The following HOGA1 variants were observed in gnomAD, a reference collection of about 807,000 sequenced individuals.
The protein encoded by HOGA1 is 4-hydroxy-2-oxoglutarate aldolase 1.
In HOGA1, 30 loss-of-function variants were observed where a neutral mutation model predicts 34.3. The observed-to-expected ratio is 0.87, with a 90% CI of 0.65 to 1.19. The LOEUF is 1.19. HOGA1 is among the 50% of genes most tolerant of loss of function. HOGA1 has a pLI of 0.00. For missense variants in HOGA1, 417 were observed against 436.5 expected (o/e 0.96, Z 0.40); for synonymous variants, 161 against 174.0 (o/e 0.93, Z 0.59).
intron 1 of HOGA1, among the ~76,000 whole-genome samples, chr10:97,593,377 T>C (rs994577872): frequency 6.6e-6 from 1 of 151,946 alleles, no homozygotes; most frequent in East Asian, 1.9e-4. Context: ...CTCGGGAGGC[T>C]GAGACAGAAG....
chr10:97,601,988 G>T lies in HOGA1; in HGVS notation c.832G>T (p.Ala278Ser). 6.2e-7 allele frequency: 1 copy of T among 1,611,660 alleles called. No individual in the cohort carries two copies. The highest frequency in any genetic ancestry group is 8.5e-7 in the Non-Finnish European group (1 of 1,179,214). The change falls in exon 6 of 7, where the codon GCG becomes TCG. Residue 278 changes from alanine (A) to serine (S), a missense_variant and splice_region_variant. By Grantham distance (99) the Ala-to-Ser change is moderately conservative. Transcript: ENST00000370646. ...LQHRLIEPNA[A>S]VTRRFGIPGL... ...GCACCGCCTCATTGAGCCAAACGCT[G>T]CGGTGAGCCAGTGGCAGCGGGGGCG... is the stretch of plus-strand genomic sequence containing the variant.
At chr10:97,606,557 G>A (rs2041159862) in intron 6 of HOGA1, among the ~76,000 whole-genome samples, 1 of 152,004 alleles carries the variant, frequency 6.6e-6, no homozygotes, top group African/African-American at 2.4e-5. Context: ...AAAATCAGTG[G>A]GGCATATTTG....
At chr10:97,607,878 C>T (rs996839587) in intron 6 of HOGA1, among the ~76,000 whole-genome samples, 1 of 152,124 alleles carries the variant, frequency 6.6e-6, no homozygotes, top group African/African-American at 2.4e-5. Context: ...TATGTTAAAA[C>T]TCACAGCACT....
At chr10:97,605,829 G>GT (rs1289013404) in intron 6 of HOGA1, among the ~76,000 whole-genome samples, 1 of 152,016 alleles carries the variant, frequency 6.6e-6, no homozygotes. Flanking sequence ...CTAAATACTA[G>GT]TCCTTTGTTA....
rs1026956695 is a variant in HOGA1, at chr10:97,599,593, G to T, written c.469-87G>T. 3 of 1,562,890 alleles carry T rather than the reference G, an allele frequency of 1.9e-6. No individual in the cohort carries two copies. In the African/African-American group the frequency reaches 4.1e-5, roughly 21 times the overall value. On this transcript the variant is annotated intron_variant, in intron 3 of 6. Transcript: ENST00000370646. ...TCCAGGTGGCCCTGTAGTGAAGCAG[G>T]CTGGGACCTGTGGGTGGGCAAGTCT... is the stretch of plus-strand genomic sequence containing the variant.
chr10:97,584,575 G>C lies in HOGA1; in HGVS notation c.-129G>C. 2.4e-6 allele frequency: 2 copies of C among 821,810 alleles called. No homozygotes were observed. Among genetic ancestry groups the C allele is most frequent in the South Asian group, 3.3e-5 (2 of 60,796 alleles). The allele number at this position is 821,810 out of a possible 1,614,324, so 50.9% of individuals were successfully genotyped here. On this transcript the variant is annotated 5_prime_UTR_variant, in exon 1 of 7. Transcript: ENST00000370646. Reference sequence around the variant, plus strand: ...GAACACCCAGCTCAGGCCTGCCCCAGTGGCCACAAGTCAGGGAGGCCGCAA... The same window carrying C: ...GAACACCCAGCTCAGGCCTGCCCCACTGGCCACAAGTCAGGGAGGCCGCAA...
At chr10:97,606,694 T>A (rs1201149919) in intron 6 of HOGA1, among the ~76,000 whole-genome samples, 2 of 152,236 alleles carry the variant, frequency 1.3e-5, no homozygotes, top group Middle Eastern at 3.2e-3. Flanking sequence ...TCCCACTTTG[T>A]TCTTTTTTTA....
At position 97,601,940 on chromosome 10, in the gene HOGA1, T is replaced by G. The variant is rs773306071; in HGVS notation, c.784T>G (p.Trp262Gly). 2.2e-5 allele frequency: 36 copies of G among 1,613,038 alleles called. No homozygotes were observed. The highest frequency in any genetic ancestry group is 2.9e-5 in the Non-Finnish European group (34 of 1,179,914). ...QLERLCCTGQ[W>G]EDAQKLQHRL... ...GGAGCGACTGTGCTGCACGGGGCAA[T>G]GGGAAGATGCCCAGAAACTGCAGCA... The change falls in exon 6 of 7, where the codon TGG (tryptophan) becomes GGG (glycine). Residue 262 changes from tryptophan to glycine, a missense_variant. Physicochemically the swap from Trp to Gly is radical, Grantham distance 184. Coordinates refer to ENST00000370646, the MANE Select transcript of HOGA1 (RefSeq NM_138413.4).
intron 1 of HOGA1, among the ~76,000 whole-genome samples, chr10:97,586,784 G>A (rs76851373): frequency 0.032 from 4,855 of 152,206 alleles, 130 homozygotes; most frequent in Middle Eastern, 0.088. Flanking sequence ...ACAGGCTTCC[G>A]TGGATTTAGC....
rs1484106538 is a variant in HOGA1 at position 97,612,459 on chromosome 10, T to G, written c.*800T>G. On this transcript the variant is annotated 3_prime_UTR_variant, in exon 7 of 7. Transcript: ENST00000370646. ...TTGATCAGGAAAGTGACACTGGTCT[T>G]TCAAAGAGCCCTCTTTACCCTCCCA... is the stretch of plus-strand genomic sequence containing the variant. 7.2e-5 allele frequency: 11 copies of G among 152,204 alleles called. No individual in the cohort carries two copies. Among genetic ancestry groups the G allele is most frequent in the Admixed American group, 7.2e-4 (11 of 15,282 alleles). 9.4% of individuals were successfully genotyped at this position (152,204 alleles called of 1,614,324 possible).
At chr10:97,594,956 C>T (rs2041057590) in intron 1 of HOGA1, among the ~76,000 whole-genome samples, 1 of 152,256 alleles carries the variant, frequency 6.6e-6, no homozygotes, top group South Asian at 2.1e-4. Flanking sequence ...AGCAGGGAGG[C>T]CCAGTGGAGA....
At chr10:97,600,230 G>T (rs2297643) in intron 5 of HOGA1, 67 bp downstream of exon 5, 4 of 1,325,990 alleles carry the variant, frequency 3.0e-6, no homozygotes, top group Non-Finnish European at 4.4e-6. Flanking sequence ...TGGGTCTTCC[G>T]GGAGAGATCG....
intron 1 of HOGA1, among the ~76,000 whole-genome samples, chr10:97,586,272 G>A (rs1325872461): frequency 2.6e-5 from 4 of 152,202 alleles, no homozygotes; most frequent in Non-Finnish European, 4.4e-5. Context: ...GAGAATGCAA[G>A]TGAAATCGTG....
intron 6 of HOGA1, among the ~76,000 whole-genome samples, chr10:97,605,590 T>C (rs911214941): frequency 1.3e-5 from 2 of 152,176 alleles, no homozygotes; most frequent in South Asian, 2.1e-4. Flanking sequence ...TTGTGACTAT[T>C]TTTTATTTTA....
intron 1 of HOGA1, among the ~76,000 whole-genome samples, chr10:97,597,354 G>T (rs983015792): frequency 6.6e-6 from 1 of 151,670 alleles, no homozygotes; most frequent in African/African-American, 2.4e-5. Context: ...TAAGAATCCT[G>T]TTGTATTGTA....
At chr10:97,589,047 C>T (rs1219183064) in intron 1 of HOGA1, among the ~76,000 whole-genome samples, 3 of 152,100 alleles carry the variant, frequency 2.0e-5, no homozygotes, top group Non-Finnish European at 2.9e-5. Flanking sequence ...TTTGTAGGTG[C>T]CTCACTAAGG....
chr10:97,599,944 G>A (rs753832030), intron 4 of HOGA1, 123 bp from the exon 5 acceptor site: 1 of 1,512,860 alleles, frequency 6.6e-7, no homozygotes, highest in Non-Finnish European at 9.2e-7. Flanking sequence ...TGTCGTGCGG[G>A]CTCTCTGGGA....
rs775876371 is a variant in HOGA1, at chr10:97,584,834, C to T, written c.131C>T (p.Thr44Ile). 2 of 1,614,082 alleles carry T rather than the reference C, an allele frequency of 1.2e-6. No homozygotes were observed. The highest frequency in any genetic ancestry group is 1.7e-5 in the Admixed American group (1 of 60,024). The change falls in exon 1 of 7, where the codon ACC becomes ATC. Residue 44 changes from threonine (T) to isoleucine (I), a missense_variant. Physicochemically the swap from Thr to Ile is moderately conservative, Grantham distance 89. Transcript: ENST00000370646. ...GCGGGTATCTACCCCCCTGTGACCA[C>T]CCCCTTCACTGCCACTGCAGAGGTG... ...DIAGIYPPVT[T>I]PFTATAEVDY... is the part of the protein sequence containing the mutation.
At position 97,603,642 on chromosome 10, in the gene HOGA1, C is replaced by T. The variant is rs755017101; in HGVS notation, c.834+1652C>T. ...GCAGTGGCACAATATTGGCTCACTG[C>T]AACCTCTGCCCCCGGGTTCAAGCAA... On this transcript the variant is annotated intron_variant, in intron 6 of 6. Transcript: ENST00000370646. This position sits in a 1 kb window ranked among gnomAD's most constrained non-coding sequence, Gnocchi z 4.5. Among the ~76,000 whole-genome samples the T allele has an allele frequency of 2.6e-5, 4 of 152,008 alleles. No individual in the cohort carries two copies. The highest frequency in any genetic ancestry group is 7.2e-5 in the African/African-American group (3 of 41,388).
Sources: gnomAD v4.1 joint callset for allele counts (sites outside exome capture counted in the v4.1 genomes callset) on GRCh38, gnomAD v4.1.1 for gene constraint, Gnocchi (gnomAD v3.1) non-coding constraint, MANE v1.5 for transcripts, NCBI Gene and HGNC (gene_info 2026-07-23, HGNC 2026-07-21) for gene names.